The following HADHA variants were observed in gnomAD, a reference collection of about 807,000 sequenced individuals.
The protein encoded by HADHA is trifunctional enzyme subunit alpha, mitochondrial.
A neutral mutation model predicts 91.3 loss-of-function variants in HADHA; 59 were observed. The observed-to-expected ratio is 0.65, with a 90% CI of 0.52 to 0.80. The LOEUF (loss-of-function observed/expected upper bound fraction) is 0.80, where lower values mean the gene tolerates loss of function less well. Ranked by LOEUF, HADHA falls within the 30% of genes least tolerant of loss-of-function variation. HADHA has a pLI of 0.00. For missense variants in HADHA, 800 were observed against 927.6 expected (o/e 0.86, Z 1.79); for synonymous variants, 320 against 338.9 (o/e 0.94, Z 0.61).
intron 2 of HADHA, 26 bp from the exon 3 acceptor site, chr2:26,239,030 G>T: frequency 1.3e-6 from 2 of 1,576,506 alleles, no homozygotes; most frequent in South Asian, 1.1e-5. Flanking sequence ...AGATTTATTT[G>T]TAAACATATT....
intron 16 of HADHA, 97 bp from the exon 17 acceptor site, chr2:26,193,869 C>G: frequency 1.0e-6 from 1 of 953,476 alleles, no homozygotes; most frequent in Non-Finnish European, 1.7e-6. Flanking sequence ...TTGTGTAAAA[C>G]CCACTTCTGA....
rs1002667675 is a variant in HADHA, at chr2:26,214,993, A to T, written c.799+60T>A. 7.0e-7 allele frequency: 1 copy of T among 1,436,908 alleles called. No homozygotes were observed. The highest frequency in any genetic ancestry group is 1.7e-5 in the Admixed American group (1 of 59,838). 89.0% of individuals were successfully genotyped at this position (1,436,908 alleles called of 1,614,324 possible). ...CACTTCCTCATTTTGAATCTACAGC[A>T]AATAAAATTAAATTCTCAGGAAAGA... On this transcript the variant is annotated intron_variant, in intron 8 of 19. Coordinates refer to ENST00000380649, the MANE Select transcript of HADHA (RefSeq NM_000182.5). This position sits in a 1 kb window ranked among gnomAD's most constrained non-coding sequence, Gnocchi z 4.1.
At chr2:26,242,630 C>A (rs1191223953) in intron 1 of HADHA, among the ~76,000 whole-genome samples, 1 of 152,222 alleles carries the variant, frequency 6.6e-6, no homozygotes, top group Non-Finnish European at 1.5e-5. Context: ...TCCTTTTCAT[C>A]ACACAAGGTG....
intron 7 of HADHA, among the ~76,000 whole-genome samples, chr2:26,216,278 C>A (rs896664131): frequency 6.6e-6 from 1 of 151,006 alleles, no homozygotes; most frequent in African/African-American, 2.4e-5. Flanking sequence ...GAACCCATAG[C>A]AGACATACAA....
chr2:26,200,579 C>T (rs1349262428), intron 13 of HADHA, among the ~76,000 whole-genome samples: 1 of 152,208 alleles, frequency 6.6e-6, no homozygotes, highest in African/African-American at 2.4e-5. Flanking sequence ...TCTGGCTATA[C>T]TCTGTGAGGT....
chr2:26,192,721 T>C (rs953664088), intron 17 of HADHA, among the ~76,000 whole-genome samples: 3 of 151,966 alleles, frequency 2.0e-5, no homozygotes, highest in African/African-American at 7.3e-5. Context: ...GGCAACAGTG[T>C]GAGACTCTGT....
intron 7 of HADHA, among the ~76,000 whole-genome samples, chr2:26,219,986 T>A (rs1670335431): frequency 6.6e-6 from 1 of 152,196 alleles, no homozygotes; most frequent in South Asian, 2.1e-4. Flanking sequence ...GGAAGCTGTG[T>A]CCTCTTGAGG....
At chr2:26,244,117 G>C (rs988611266) in intron 1 of HADHA, among the ~76,000 whole-genome samples, 1 of 152,254 alleles carries the variant, frequency 6.6e-6, no homozygotes, top group Non-Finnish European at 1.5e-5. Context: ...CTTGTTGCGG[G>C]GTAAGGTGCT....
At chr2:26,195,001 G>A (rs1022254979) in intron 15 of HADHA, 91 bp downstream of exon 15, 10 of 1,088,924 alleles carry the variant, frequency 9.2e-6, no homozygotes, top group Non-Finnish European at 1.4e-5. Flanking sequence ...CTGGTCATTT[G>A]CCCCAGAATA....
chr2:26,244,632 T>C lies in HADHA; in HGVS notation c.-36A>G, dbSNP rs765462991. 1.7e-5 allele frequency: 27 copies of C among 1,558,442 alleles called. No individual in the cohort carries two copies. The highest frequency in any genetic ancestry group is 2.3e-5 in the Non-Finnish European group (27 of 1,150,732). ...AGAGGACAGCAGTGGAGAGCGCCTC[T>C]AACGGGTGCGGCCGAGCGGAGGACT... On this transcript the variant is annotated 5_prime_UTR_variant, in exon 1 of 20. Transcript: ENST00000380649.
At position 26,192,440 on chromosome 2, in the gene HADHA, A is replaced by G. The variant is rs376113444; in HGVS notation, c.1886-16T>C. 1.4e-4 allele frequency: 175 copies of G among 1,282,520 alleles called. No homozygotes were observed. Among genetic ancestry groups the G allele is most frequent in the South Asian group, 4.6e-4 (39 of 84,558 alleles). The allele number at this position is 1,282,520 out of a possible 1,614,324, so 79.4% of individuals were successfully genotyped here. ...GATTTACGACCTAAAACAGGCAAGA[A>G]AAGGGAGTGTTACTATTTGTTCTCA... is the stretch of plus-strand genomic sequence containing the variant. On this transcript the variant is annotated splice_polypyrimidine_tract_variant and intron_variant, in intron 17 of 19. Transcript: ENST00000380649.
chr2:26,237,114 A>G (rs758238227), intron 3 of HADHA, 126 bp from the exon 4 acceptor site: 4 of 787,584 alleles, frequency 5.1e-6, no homozygotes, highest in Non-Finnish European at 8.9e-6. Context: ...GTTAGAAGAG[A>G]GTAAGAAATA....
chr2:26,227,144 C>T (rs1315239164), intron 7 of HADHA, among the ~76,000 whole-genome samples: 1 of 152,096 alleles, frequency 6.6e-6, no homozygotes, highest in African/African-American at 2.4e-5. Context: ...TGAACAGATG[C>T]TTCTTTATCA....
rs1337194851 is a variant in HADHA at position 26,198,897 on chromosome 2, T to A, written c.1393-1120A>T. Among the ~76,000 whole-genome samples the A allele has an allele frequency of 2.1e-4, 30 of 140,030 alleles. 1 individual carries two copies. In the South Asian group the frequency reaches 6.4e-3, roughly 30 times the overall value. 91.9% of individuals were successfully genotyped at this position (140,030 alleles called of 152,430 possible). ...AGACCCTATATCTACAAAACATAACTTTTTTTTTTTTTTTGGAGACAAAGT... is the reference window on the plus strand; with the variant it reads ...AGACCCTATATCTACAAAACATAACATTTTTTTTTTTTTTGGAGACAAAGT... On this transcript the variant is annotated intron_variant, in intron 13 of 19. Coordinates refer to ENST00000380649, the MANE Select transcript of HADHA (RefSeq NM_000182.5).
At chr2:26,218,981 T>C (rs1476405481) in intron 7 of HADHA, among the ~76,000 whole-genome samples, 1 of 101,256 alleles carries the variant, frequency 9.9e-6, no homozygotes, top group African/African-American at 4.1e-5. Context: ...CACTCCAGCC[T>C]GGGCAACAGA....
At chr2:26,192,877 T>C (rs1214170832) in intron 17 of HADHA, among the ~76,000 whole-genome samples, 2 of 152,072 alleles carry the variant, frequency 1.3e-5, no homozygotes, top group East Asian at 1.9e-4. Context: ...GTCAGAAGAG[T>C]GGGCAGAGAA....
At chr2:26,222,596 G>A (rs1670399296) in intron 7 of HADHA, among the ~76,000 whole-genome samples, 2 of 152,158 alleles carry the variant, frequency 1.3e-5, no homozygotes, top group Non-Finnish European at 2.9e-5. Context: ...ATGATGGTGG[G>A]TGTGGAGGTT....
In HADHA at chr2:26,194,603, C is replaced by T. The variant is rs541069396; in HGVS notation, c.1656G>A (p.Ala552=). The T allele has an allele frequency of 1.6e-5, 26 of 1,612,238 alleles. No individual in the cohort carries two copies. Among genetic ancestry groups the T allele is most frequent in the East Asian group, 4.5e-5 (2 of 44,864 alleles). Residue 552 remains alanine, a synonymous_variant, in exon 16 of 20, where the codon GCG becomes GCA. Transcript: ENST00000380649. ...GPGFYTTRCL[A]PMMSEVIRIL... ...TTCGGATGACTTCAGACATCATGGG[C>T]GCAAGACACCTGGTAGTATAGAAGC... is the stretch of plus-strand genomic sequence containing the variant.
At chr2:26,194,264 T>C (rs1190809169) in intron 16 of HADHA, among the ~76,000 whole-genome samples, 1 of 152,116 alleles carries the variant, frequency 6.6e-6, no homozygotes, top group Non-Finnish European at 1.5e-5. Flanking sequence ...AAGCGGGCCC[T>C]GTTCTGGATG....
Sources: gnomAD v4.1 joint callset for allele counts (sites outside exome capture counted in the v4.1 genomes callset) on GRCh38, gnomAD v4.1.1 for gene constraint, Gnocchi (gnomAD v3.1) non-coding constraint, MANE v1.5 for transcripts, NCBI Gene and HGNC (gene_info 2026-07-23, HGNC 2026-07-21) for gene names.